The following TNS3 variants were observed in gnomAD, a reference collection of about 807,000 sequenced individuals.
TNS3 encodes tensin-3.
Under a neutral mutation model 140.9 loss-of-function variants are expected in TNS3, and 45 were observed. The observed-to-expected ratio is 0.32, with a 90% CI of 0.25 to 0.41. The LOEUF is 0.41. TNS3 is among the 10% of genes least tolerant of loss of function. The pLI is 1.00. For missense variants in TNS3, 1,716 were observed against 1,906.7 expected (o/e 0.90, Z 1.86); for synonymous variants, 815 against 788.4 (o/e 1.03, Z -0.56).
chr7:47,442,624 A>C (rs1180116399), intron 4 of TNS3, among the ~76,000 whole-genome samples: 1 of 152,234 alleles, frequency 6.6e-6, no homozygotes, highest in African/African-American at 2.4e-5. Context: ...TGTGAGTAAG[A>C]AGGCTCTTCA....
intron 13 of TNS3, among the ~76,000 whole-genome samples, chr7:47,410,957 A>G (rs1009746059): frequency 6.6e-6 from 1 of 152,274 alleles, no homozygotes; most frequent in African/African-American, 2.4e-5. Flanking sequence ...AACACACATA[A>G]GAATCAAAAT....
intron 15 of TNS3, among the ~76,000 whole-genome samples, chr7:47,400,183 T>C (rs1176758852): frequency 1.3e-5 from 2 of 152,240 alleles, no homozygotes; most frequent in African/African-American, 4.8e-5. Context: ...GCTGAGTGGT[T>C]GTGAGCAAGT....
intron 4 of TNS3, among the ~76,000 whole-genome samples, chr7:47,470,184 G>T (rs1428910755): frequency 1.3e-5 from 2 of 152,004 alleles, no homozygotes; most frequent in African/African-American, 2.4e-5. Context: ...CATAAACATG[G>T]GAACAGTAAA....
At chr7:47,517,631 A>G (rs917171706) in intron 2 of TNS3, among the ~76,000 whole-genome samples, 11 of 152,222 alleles carry the variant, frequency 7.2e-5, no homozygotes, top group African/African-American at 2.4e-4. Flanking sequence ...CACCTACAAC[A>G]GGGCAGAAAC....
At chr7:47,497,246 T>C (rs1394977264) in intron 3 of TNS3, among the ~76,000 whole-genome samples, 1 of 152,218 alleles carries the variant, frequency 6.6e-6, no homozygotes, top group Non-Finnish European at 1.5e-5. Flanking sequence ...CTAGCGTCAG[T>C]ACCACAACTG....
chr7:47,446,688 C>CTTTTTTTTTTTTTTTTTTTTTTT (rs144042398), intron 4 of TNS3, among the ~76,000 whole-genome samples: 2 of 96,680 alleles, frequency 2.1e-5, no homozygotes, highest in African/African-American at 4.5e-5. Flanking sequence ...TCCAGGCTGC[C>CTTTTTTTTTTTTTTTTTTTTTTT]TTTTTTTTTT....
intron 1 of TNS3, among the ~76,000 whole-genome samples, chr7:47,562,444 T>C (rs1325631903): frequency 6.7e-6 from 1 of 149,522 alleles, no homozygotes; most frequent in East Asian, 2.0e-4. Context: ...TGGAGTGCAA[T>C]GGCGCTATCT....
intron 2 of TNS3, among the ~76,000 whole-genome samples, chr7:47,520,773 GT>G (rs766519347): frequency 3.9e-5 from 6 of 152,184 alleles, no homozygotes; most frequent in Non-Finnish European, 7.3e-5. Context: ...AGATTCTGTC[GT>G]GTTGCCACCT....
chr7:47,289,379 G>A (rs943997516), intron 27 of TNS3, among the ~76,000 whole-genome samples: 1 of 152,150 alleles, frequency 6.6e-6, no homozygotes, highest in East Asian at 1.9e-4. Flanking sequence ...GGGTTTGAAA[G>A]TCAGCAGTCC....
intron 20 of TNS3, among the ~76,000 whole-genome samples, chr7:47,322,850 G>A (rs1012339465): frequency 3.6e-4 from 54 of 152,100 alleles, no homozygotes; most frequent in Non-Finnish European, 2.9e-4. Flanking sequence ...TCCCTCTTAC[G>A]GAGGCCCTCG....
chr7:47,466,982 G>C (rs1215965148), intron 4 of TNS3, among the ~76,000 whole-genome samples: 3 of 152,240 alleles, frequency 2.0e-5, no homozygotes, highest in Non-Finnish European at 4.4e-5. Flanking sequence ...ACTAGGGAGT[G>C]CTGTGGTGAT....
chr7:47,516,438 T>C (rs749130167), intron 2 of TNS3, among the ~76,000 whole-genome samples: 5 of 152,126 alleles, frequency 3.3e-5, no homozygotes, highest in African/African-American at 4.8e-5. Flanking sequence ...TTGCAGTGAC[T>C]GCCAGGACCC....
In TNS3 at chr7:47,367,817, C is replaced by A. The variant is rs577740037; in HGVS notation, c.2281+548G>T. Among the ~76,000 whole-genome samples the A allele has an allele frequency of 7.2e-5, 11 of 152,344 alleles. No homozygotes were observed. The East Asian group carries it at 2.1e-3, about 29-fold the overall frequency. On this transcript the variant is annotated intron_variant, in intron 17 of 30. Transcript: ENST00000311160. ...CATAACCAGTCTCCCCACACCACCA[C>A]GGCCAACTCTGACAGGTGTATTTGT...
intron 4 of TNS3, among the ~76,000 whole-genome samples, chr7:47,467,053 C>T (rs1201541960): frequency 1.3e-5 from 2 of 152,222 alleles, no homozygotes; most frequent in African/African-American, 4.8e-5. Flanking sequence ...TTTTGAAAGT[C>T]TGTTGCATAT....
intron 4 of TNS3, among the ~76,000 whole-genome samples, chr7:47,448,185 C>T (rs1187305350): frequency 1.3e-5 from 2 of 152,242 alleles, no homozygotes; most frequent in African/African-American, 4.8e-5. Flanking sequence ...AGTAAGCACA[C>T]TCACCAGAAA....
At position 47,400,766 on chromosome 7, in the gene TNS3, C is replaced by T. The variant is rs1793112497; in HGVS notation, c.853+19G>A. 9 of 1,612,554 alleles carry T rather than the reference C, an allele frequency of 5.6e-6. No individual in the cohort carries two copies. Among genetic ancestry groups the T allele is most frequent in the African/African-American group, 1.3e-5 (1 of 74,912 alleles). ...CCGCAGCTGCCCACAAGCACAGGGC[C>T]GCCAGCTCCGCGCCTCACCTTTGCT... On this transcript the variant is annotated intron_variant, in intron 14 of 30. Transcript: ENST00000311160.
chr7:47,574,228 C>T (rs1306265572), intron 1 of TNS3, among the ~76,000 whole-genome samples: 1 of 152,094 alleles, frequency 6.6e-6, no homozygotes, highest in African/African-American at 2.4e-5. Context: ...TAAAACCAAG[C>T]AACCCCGAAG....
chr7:47,399,450 T>A (rs1037537763), intron 15 of TNS3, among the ~76,000 whole-genome samples: 8 of 152,170 alleles, frequency 5.3e-5, no homozygotes, highest in African/African-American at 1.9e-4. Flanking sequence ...AGGCTATAGT[T>A]ACCAAAACAT....
chr7:47,581,832 G>A lies in TNS3; in HGVS notation c.-265+219C>T, dbSNP rs910897499. Among the ~76,000 whole-genome samples, 6 of 151,254 alleles carry A rather than the reference G, an allele frequency of 4.0e-5. 1 individual carries two copies. The highest frequency in any genetic ancestry group is 1.5e-4 in the African/African-American group (6 of 41,178). ...CGGGTCCCCGCGCTCCCTAACCTGG[G>A]TTCTCCCGTGACCCCATCCCCGCGC... On this transcript the variant is annotated intron_variant, in intron 1 of 30. Transcript: ENST00000311160.
Sources: gnomAD v4.1 joint callset for allele counts (sites outside exome capture counted in the v4.1 genomes callset) on GRCh38, gnomAD v4.1.1 for gene constraint, MANE v1.5 for transcripts, NCBI Gene and HGNC (gene_info 2026-07-23, HGNC 2026-07-21) for gene names.